KIRREL3: variants seen among roughly 807,000 people sequenced by gnomAD.
The protein encoded by KIRREL3 is kirre like nephrin family adhesion molecule 3, also known as kin of IRRE-like protein 3.
Under a neutral mutation model 89.7 loss-of-function variants are expected in KIRREL3, and 36 were observed. The observed-to-expected ratio is 0.40, with a 90% confidence interval of 0.31 to 0.53. KIRREL3 has a LOEUF of 0.53. Among genes scored for constraint, KIRREL3 ranks in the 20% least tolerant of loss-of-function variants. KIRREL3 has a pLI of 0.49. For synonymous variants in KIRREL3, 445 were observed against 441.4 expected, an observed-to-expected ratio of 1.01 and a Z score of -0.10; for missense variants, 864 against 1,056.6, an observed-to-expected ratio of 0.82 and a Z score of 2.53.
At chr11:127,001,637 A>G (rs1950316924), upstream of KIRREL3, among the ~76,000 whole-genome samples, 1 of 152,184 alleles carries the variant, frequency 6.6e-6, no homozygotes, top group Non-Finnish European at 1.5e-5. Context: ...TTTACCTGTC[A>G]TGAAATTCAC....
chr11:126,883,064 AG>A lies in KIRREL3; in HGVS notation c.55+117390del, dbSNP rs1186480066. 1.3e-5 allele frequency among the ~76,000 whole-genome samples: 2 copies of A among 152,224 alleles called. No individual in the cohort carries two copies. The highest frequency in any genetic ancestry group is 4.8e-5 in the African/African-American group (2 of 41,462). On this transcript the variant is annotated intron_variant, in intron 1 of 16. Coordinates refer to ENST00000525144, the MANE Select transcript of KIRREL3 (RefSeq NM_032531.4). This position sits in a 1 kb window ranked among gnomAD's most constrained non-coding sequence, Gnocchi z 4.1. The stretch of plus-strand genomic sequence containing the variant: ...TGTAGCAAATATCATTGTAGTAAAA[AG>A]TAATACATCTCCTCGTTTAAGTGAC...
Position 126,565,548 on chromosome 11 carries a change from A to C in KIRREL3, c.56-2636T>G, listed in dbSNP as rs1327300735. 6.6e-6 allele frequency among the ~76,000 whole-genome samples: 1 copy of C among 152,208 alleles called. No individual in the cohort carries two copies. Among genetic ancestry groups the C allele is most frequent in the East Asian group, 1.9e-4 (1 of 5,200 alleles). ...AATAAGCACACTGCAGAAATTTATT[A>C]AGTGCGAGGGCTCTCTGACTGAGAC... On this transcript the variant is annotated intron_variant, in intron 1 of 16. Coordinates refer to ENST00000525144, the MANE Select transcript of KIRREL3 (RefSeq NM_032531.4). This position sits in a 1 kb window ranked among gnomAD's most constrained non-coding sequence, Gnocchi z 5.4.
rs573199750 is a variant in KIRREL3 at position 126,734,113 on chromosome 11, C to T, written c.56-171201G>A. 1.4e-4 allele frequency among the ~76,000 whole-genome samples: 22 copies of T among 152,238 alleles called. No individual in the cohort carries two copies. The South Asian group carries it at 4.6e-3, about 32-fold the overall frequency. ...GCAGAAGCTGCATTAGAACAAGATC[C>T]CTAGGTGGTTTGTTTGAACACTGGA... On this transcript the variant is annotated intron_variant, in intron 1 of 16. Transcript: ENST00000525144. The surrounding 1 kb of genome is among the most constrained non-coding windows in gnomAD (Gnocchi z 5.9).
chr11:126,722,114 C>T (rs1948198272), intron 1 of KIRREL3, among the ~76,000 whole-genome samples: 1 of 152,228 alleles, frequency 6.6e-6, no homozygotes, highest in South Asian at 2.1e-4. Context: ...CATGATCCTG[C>T]CAAACTGTTC....
rs1947076981 is a variant in KIRREL3, at chr11:126,917,232, T to C, written c.55+83223A>G. Among the ~76,000 whole-genome samples the C allele has an allele frequency of 6.6e-6, 1 of 152,186 alleles. No homozygotes were observed. The highest frequency in any genetic ancestry group is 1.5e-5 in the Non-Finnish European group (1 of 68,036). ...GATATATATTGTACGATTCCACTTA[T>C]ATGAAGTATTCAGAATAGGCAAATT... is the stretch of plus-strand genomic sequence containing the variant. On this transcript the variant is annotated intron_variant, in intron 1 of 16. Transcript: ENST00000525144. This position sits in a 1 kb window ranked among gnomAD's most constrained non-coding sequence, Gnocchi z 5.0.
intron 1 of KIRREL3, among the ~76,000 whole-genome samples, chr11:126,832,379 C>T (rs1224254101): frequency 1.3e-5 from 2 of 152,150 alleles, no homozygotes; most frequent in African/African-American, 4.8e-5. Context: ...AATAAACAAA[C>T]ATGTGAAAGT....
rs1946311437 is a variant in KIRREL3, at chr11:126,900,001, G to A, written c.55+100454C>T. ...TTTAGTTAAGCAAATTTGGGATGAG[G>A]GGAAGTAACAAATAGTCATATTAAT... is the stretch of plus-strand genomic sequence containing the variant. On this transcript the variant is annotated intron_variant, in intron 1 of 16. Transcript: ENST00000525144. The surrounding 1 kb of genome is among the most constrained non-coding windows in gnomAD (Gnocchi z 4.4). Among the ~76,000 whole-genome samples the A allele has an allele frequency of 6.6e-6, 1 of 152,144 alleles. No homozygotes were observed. The highest frequency in any genetic ancestry group is 1.5e-5 in the Non-Finnish European group (1 of 68,022).
In KIRREL3 at chr11:126,523,645, G is replaced by C. The variant is rs548384187; in HGVS notation, c.284-2181C>G. 1.3e-5 allele frequency among the ~76,000 whole-genome samples: 2 copies of C among 152,222 alleles called. No individual in the cohort carries two copies. Among genetic ancestry groups the C allele is most frequent in the South Asian group, 4.1e-4 (2 of 4,822 alleles). ...TGCTGGGCTTTGGGAATGAGCCCAG[G>C]TAAGTTAAGCTGTCTCCCCCCAGGG... is the stretch of plus-strand genomic sequence containing the variant. On this transcript the variant is annotated intron_variant, in intron 3 of 16. Transcript: ENST00000525144. This position sits in a 1 kb window ranked among gnomAD's most constrained non-coding sequence, Gnocchi z 4.9.
intron 1 of KIRREL3, among the ~76,000 whole-genome samples, chr11:126,894,735 A>AGAGAC (rs986163886): frequency 6.6e-5 from 10 of 151,312 alleles, no homozygotes; most frequent in Admixed American, 5.9e-4. Context: ...GGCAACAGAG[A>AGAGAC]GAGACCCTGT....
chr11:126,701,731 C>G (rs1947320725), intron 1 of KIRREL3, among the ~76,000 whole-genome samples: 2 of 152,080 alleles, frequency 1.3e-5, no homozygotes, highest in Non-Finnish European at 2.9e-5. Flanking sequence ...GGGCGGAGTT[C>G]TGGAGCCACT....
chr11:126,952,652 T>C (rs181135052), intron 1 of KIRREL3, among the ~76,000 whole-genome samples: 72 of 152,366 alleles, frequency 4.7e-4, no homozygotes, highest in African/African-American at 1.7e-3. Flanking sequence ...TGCCCATGCC[T>C]ATGTCCTGAA....
At position 126,797,434 on chromosome 11, in the gene KIRREL3, C is replaced by T. The variant is rs566556663; in HGVS notation, c.55+203021G>A. Among the ~76,000 whole-genome samples the T allele has an allele frequency of 3.9e-5, 6 of 152,190 alleles. No homozygotes were observed. The highest frequency in any genetic ancestry group is 2.1e-4 in the South Asian group (1 of 4,804). ...GTTGGAAGAATCTGCTGGTCAGTGTCGGGGGCCCTTCAACTTCTGCTTGCA... is the reference window on the plus strand; with the variant it reads ...GTTGGAAGAATCTGCTGGTCAGTGTTGGGGGCCCTTCAACTTCTGCTTGCA... On this transcript the variant is annotated intron_variant, in intron 1 of 16. Transcript: ENST00000525144. The surrounding 1 kb of genome is among the most constrained non-coding windows in gnomAD (Gnocchi z 4.9).
chr11:126,829,126 C>T (rs1943516859), intron 1 of KIRREL3, among the ~76,000 whole-genome samples: 1 of 152,182 alleles, frequency 6.6e-6, no homozygotes, highest in Non-Finnish European at 1.5e-5. Context: ...GAGGGGACAT[C>T]CATGGTGCTG....
Position 126,802,050 on chromosome 11 carries a change from A to G in KIRREL3, c.55+198405T>C, listed in dbSNP as rs921878582. 4.6e-5 allele frequency among the ~76,000 whole-genome samples: 7 copies of G among 152,332 alleles called. No individual in the cohort carries two copies. The highest frequency in any genetic ancestry group is 1.7e-4 in the African/African-American group (7 of 41,582). On this transcript the variant is annotated intron_variant, in intron 1 of 16. Transcript: ENST00000525144. This position sits in a 1 kb window ranked among gnomAD's most constrained non-coding sequence, Gnocchi z 5.2. Reference sequence around the variant, plus strand: ...TTGAAACCTGATTAATTGCTATTCCATAGGCAAATGATGCTGCCAAACAGT... The same window carrying G: ...TTGAAACCTGATTAATTGCTATTCCGTAGGCAAATGATGCTGCCAAACAGT...
intron 1 of KIRREL3, among the ~76,000 whole-genome samples, chr11:126,926,787 G>A (rs761739287): frequency 3.3e-5 from 5 of 151,788 alleles, no homozygotes; most frequent in East Asian, 2.0e-4. Context: ...AAGAGGGCGC[G>A]GAAAAAATGA....
At chr11:126,464,538 G>GAAGAAA (rs71048791) in intron 5 of KIRREL3, among the ~76,000 whole-genome samples, 2 of 148,680 alleles carry the variant, frequency 1.3e-5, no homozygotes, top group Admixed American at 6.7e-5. Flanking sequence ...CTCAGAAGAA[G>GAAGAAA]AAGAAAAAGA....
At chr11:126,452,764 G>A (rs1220058903) in intron 7 of KIRREL3, among the ~76,000 whole-genome samples, 2 of 152,120 alleles carry the variant, frequency 1.3e-5, no homozygotes, top group African/African-American at 2.4e-5. Context: ...AGCCGCTGTC[G>A]GGGCTGGGTC....
chr11:126,831,531 C>A (rs1943608387), intron 1 of KIRREL3, among the ~76,000 whole-genome samples: 1 of 151,952 alleles, frequency 6.6e-6, no homozygotes. Flanking sequence ...TTCTTTGAAC[C>A]ACTTTCTTCA....
At chr11:126,510,605 T>C (rs968260343) in intron 4 of KIRREL3, among the ~76,000 whole-genome samples, 1 of 152,104 alleles carries the variant, frequency 6.6e-6, no homozygotes, top group Non-Finnish European at 1.5e-5. Context: ...CTACCCTGGC[T>C]CTGTTTCCAT....
Sources: allele counts gnomAD v4.1 joint callset (sites outside exome capture counted in the v4.1 genomes callset), GRCh38; gene constraint gnomAD v4.1.1; non-coding constraint Gnocchi (gnomAD v3.1); transcripts MANE v1.5; gene names NCBI Gene and HGNC (gene_info 2026-07-23, HGNC 2026-07-21).